NDUFAF6: variants seen among roughly 807,000 people sequenced by gnomAD.
The protein encoded by NDUFAF6 is NADH dehydrogenase (ubiquinone) complex I, assembly factor 6.
NDUFAF6 carries 45 observed loss-of-function variants against 40.8 expected under a neutral mutation model. That is an observed-to-expected ratio of 1.10 (90% CI 0.87 to 1.42). The LOEUF is 1.42. Ranked by LOEUF, NDUFAF6 falls within the 40% of genes most tolerant of loss-of-function variation. The pLI, the probability that NDUFAF6 is intolerant of heterozygous loss-of-function variation, is 0.00. For missense variants in NDUFAF6, 435 were observed against 418.5 expected, an observed-to-expected ratio of 1.04 and a Z score of -0.34; for synonymous variants, 185 against 155.9, an observed-to-expected ratio of 1.19 and a Z score of -1.39.
At chr8:94,971,459 G>A (rs1274759328) in intron 1 of NDUFAF6, among the ~76,000 whole-genome samples, 1 of 152,106 alleles carries the variant, frequency 6.6e-6, no homozygotes, top group African/African-American at 2.4e-5. Context: ...TGGATCATTG[G>A]GCTTCTTCCA....
chr8:95,030,335 C>T (rs1009454176), intron 1 of NDUFAF6, among the ~76,000 whole-genome samples: 28 of 152,106 alleles, frequency 1.8e-4, no homozygotes, highest in Middle Eastern at 3.2e-3. Flanking sequence ...AAGTAATCCT[C>T]CCACCTCAGC....
chr8:94,936,907 C>T (rs1353832451), intron 1 of NDUFAF6, among the ~76,000 whole-genome samples: 1 of 152,162 alleles, frequency 6.6e-6, no homozygotes, highest in African/African-American at 2.4e-5. Flanking sequence ...GAGAACCGTT[C>T]TGCCAGCCAG....
At chr8:95,027,014 C>T (rs1301945268) in intron 1 of NDUFAF6, among the ~76,000 whole-genome samples, 2 of 152,086 alleles carry the variant, frequency 1.3e-5, no homozygotes, top group Non-Finnish European at 1.5e-5. Context: ...CCATTGCACT[C>T]CAGCTGGGGC....
At chr8:94,993,074 G>T (rs1826264123) in intron 2 of NDUFAF6, among the ~76,000 whole-genome samples, 1 of 152,226 alleles carries the variant, frequency 6.6e-6, no homozygotes, top group South Asian at 2.1e-4. Context: ...CAAGATCAAG[G>T]TGTTTGAAGG....
At chr8:94,989,637 AC>A (rs2131613872) in intron 2 of NDUFAF6, among the ~76,000 whole-genome samples, 1 of 152,300 alleles carries the variant, frequency 6.6e-6, no homozygotes, top group East Asian at 1.9e-4. Context: ...CAGCCAATAA[AC>A]TTTTACCAGC....
upstream of NDUFAF6, chr8:95,023,191 A>AC (rs1827765910): frequency 6.6e-6 from 1 of 152,228 alleles, no homozygotes; most frequent in Non-Finnish European, 1.5e-5. Context: ...TCCCAGAAGC[A>AC]CCACAGTGGA....
downstream of NDUFAF6, among the ~76,000 whole-genome samples, chr8:95,080,372 T>C (rs894097563): frequency 3.3e-5 from 5 of 151,340 alleles, no homozygotes; most frequent in African/African-American, 1.2e-4. Flanking sequence ...TTTTGTAGTG[T>C]ATTTTTTGTA....
chr8:94,930,370 G>T, intron 1 of NDUFAF6: 1 of 1,438,780 alleles, frequency 7.0e-7, no homozygotes, highest in Non-Finnish European at 9.5e-7. Context: ...AAAACTATGT[G>T]ATTGGTTATC....
intron 1 of NDUFAF6, among the ~76,000 whole-genome samples, chr8:95,026,083 T>C (rs926964473): frequency 6.6e-6 from 1 of 152,124 alleles, no homozygotes; most frequent in South Asian, 2.1e-4. Flanking sequence ...ATCATGCAAG[T>C]AAAACCGTTT....
intron 7 of NDUFAF6, among the ~76,000 whole-genome samples, chr8:95,049,954 G>A (rs1168932494): frequency 2.0e-5 from 3 of 152,222 alleles, no homozygotes; most frequent in African/African-American, 4.8e-5. Flanking sequence ...TAAGTAATCA[G>A]ATTGTAAGCT....
At chr8:94,971,928 A>G (rs1824499232) in intron 1 of NDUFAF6, among the ~76,000 whole-genome samples, 1 of 146,382 alleles carries the variant, frequency 6.8e-6, no homozygotes, top group Non-Finnish European at 1.5e-5. Context: ...ACAAGAGCGG[A>G]AAAAAAAAAA....
At chr8:95,045,297 A>G (rs73276483) in intron 4 of NDUFAF6, among the ~76,000 whole-genome samples, 1 of 151,920 alleles carries the variant, frequency 6.6e-6, no homozygotes, top group African/African-American at 2.4e-5. Context: ...GATGAAATTT[A>G]AAAAAAATGC....
chr8:95,075,619 T>C lies in NDUFAF6; in HGVS notation c.*512-14T>C, dbSNP rs541811134. 3.2e-5 allele frequency: 41 copies of C among 1,288,346 alleles called. No homozygotes were observed. In the African/African-American group the frequency reaches 5.3e-4, roughly 17 times the overall value. The allele number at this position is 1,288,346 out of a possible 1,614,324, so 79.8% of individuals were successfully genotyped here. ...GTTGGCTTGGTGAATAAGTGTCCTCTTTCCTCTCTGCAGGAAATTAAGGAT... is the reference window on the plus strand; with the variant it reads ...GTTGGCTTGGTGAATAAGTGTCCTCCTTCCTCTCTGCAGGAAATTAAGGAT... On this transcript the variant is annotated splice_polypyrimidine_tract_variant and intron_variant and NMD_transcript_variant, in intron 9 of 9. Transcript: ENST00000520757.
downstream of NDUFAF6, among the ~76,000 whole-genome samples, chr8:95,107,480 G>C (rs991087488): frequency 2.4e-4 from 37 of 152,086 alleles, no homozygotes; most frequent in Non-Finnish European, 4.9e-4. Context: ...GCCTGTCGGA[G>C]GGGTAGGAGG....
intron 4 of NDUFAF6, among the ~76,000 whole-genome samples, chr8:95,113,948 T>C (rs1000318298): frequency 5.6e-5 from 8 of 142,830 alleles, no homozygotes; most frequent in Non-Finnish European, 1.2e-4. Context: ...CAGGTGGGAA[T>C]TGAACAATGA....
In NDUFAF6 at chr8:95,015,585, A is replaced by G. The variant is rs150269117; in HGVS notation, c.-83-16410A>G. On this transcript the variant is annotated intron_variant, in intron 2 of 9. Coordinates refer to the NDUFAF6 transcript ENST00000396111. ...AATGGAGTTATAATTCATAAATGCA[A>G]TGGTTCTTCCTTCTAAGAACTTTGA... Among the ~76,000 whole-genome samples the G allele has an allele frequency of 4.0e-3, 604 of 152,320 alleles. 1 individual carries two copies. The highest frequency in any genetic ancestry group is 6.7e-3 in the Non-Finnish European group (455 of 68,014).
intron 2 of NDUFAF6, among the ~76,000 whole-genome samples, chr8:95,002,896 C>A (rs769379576): frequency 6.6e-6 from 1 of 152,138 alleles, no homozygotes; most frequent in African/African-American, 2.4e-5. Context: ...CTTAGGTCTC[C>A]TCTTTTTTCT....
At chr8:95,025,333 C>A (rs1827974618) in intron 1 of NDUFAF6, 128 bp downstream of exon 1, 1 of 955,250 alleles carries the variant, frequency 1.0e-6, no homozygotes, top group Non-Finnish European at 1.4e-6. Context: ...TCTGGGTGTG[C>A]GTTCTAGTGG....
chr8:94,968,879 G>A (rs780511662), intron 1 of NDUFAF6, among the ~76,000 whole-genome samples: 1 of 152,062 alleles, frequency 6.6e-6, no homozygotes, highest in African/African-American at 2.4e-5. Context: ...AAGATTTGCC[G>A]AAAGATTGAC....
Sources: allele counts gnomAD v4.1 joint callset (sites outside exome capture counted in the v4.1 genomes callset), GRCh38; gene constraint gnomAD v4.1.1; transcripts MANE v1.5; gene names NCBI Gene and HGNC (gene_info 2026-07-23, HGNC 2026-07-21).